HSPG2: variants seen among roughly 807,000 people sequenced by gnomAD.
The protein encoded by HSPG2 is basement membrane-specific heparan sulfate proteoglycan core protein.
In HSPG2, 278 loss-of-function variants were observed where a neutral mutation model predicts 526.6. The ratio of observed to expected loss-of-function variants is 0.53; its 90% CI spans 0.48 to 0.58. The LOEUF is 0.58. Among genes scored for constraint, HSPG2 ranks in the 20% least tolerant of loss-of-function variants. The pLI, the probability that HSPG2 is intolerant of heterozygous loss-of-function variation, is 0.00. For synonymous variants in HSPG2, 2,465 were observed against 2,555.4 expected, an observed-to-expected ratio of 0.96 and a Z score of 1.07; for missense variants, 5,354 against 6,099.5, an observed-to-expected ratio of 0.88 and a Z score of 4.07.
At position 21,823,658 on chromosome 1, in the gene HSPG2, C is replaced by T. The variant is rs760059362; in HGVS notation, c.12961G>A (p.Gly4321Ser). Residue 4321 changes from glycine to serine, a missense_variant, in exon 96 of 97, where the codon GGT becomes AGT. By Grantham distance (56) the Gly-to-Ser change is moderately conservative (BLOSUM62 0). Coordinates refer to ENST00000374695, the MANE Select transcript of HSPG2 (RefSeq NM_005529.7). ...GEELVSGRSP[G>S]PNVAVNAKGS... is the part of the protein sequence containing the mutation. ...TTGGCGTTGACTGCCACGTTGGGAC[C>T]TGGGGACCGGCCGCTGACCAGCTCC... 1.4e-5 allele frequency: 23 copies of T among 1,613,642 alleles called. No individual in the cohort carries two copies. The highest frequency in any genetic ancestry group is 1.9e-5 in the Non-Finnish European group (22 of 1,180,022).
chr1:21,894,403 G>A (rs910315025), intron 3 of HSPG2, among the ~76,000 whole-genome samples: 1 of 152,078 alleles, frequency 6.6e-6, no homozygotes, highest in Non-Finnish European at 1.5e-5. Flanking sequence ...CCAGGATCAG[G>A]GAGGCACACC....
Position 21,874,423 on chromosome 1 carries a change from T to C in HSPG2, c.3639A>G (p.Gly1213=). ...PQDCQLCPCY[G]DPAAGQAAHT... is the part of the protein sequence containing the mutation. ...GGACGCACTGGCCGGCAGCAGGGTC[T>C]CCGTAGCAGGGGCACAGCTGGCAGT... is the stretch of plus-strand genomic sequence containing the variant. Residue 1213 remains glycine, a synonymous_variant, in exon 28 of 97, where the codon GGA becomes GGG. Coordinates refer to ENST00000374695, the MANE Select transcript of HSPG2 (RefSeq NM_005529.7). 6.2e-7 allele frequency: 1 copy of C among 1,611,546 alleles called. No homozygotes were observed. Among genetic ancestry groups the C allele is most frequent in the Non-Finnish European group, 8.5e-7 (1 of 1,179,772 alleles).
intron 37 of HSPG2, among the ~76,000 whole-genome samples, chr1:21,863,062 A>AAAACAAAAAAAAAAAAAAAC (rs1243124723): frequency 4.6e-5 from 1 of 21,976 alleles, no homozygotes; most frequent in Non-Finnish European, 1.1e-4. Flanking sequence ...CTCCATCTCA[A>AAAACAAAAAAAAAAAAAAAC]AAAAAAAAAA....
chr1:21,852,038 C>T (rs1362659401), intron 53 of HSPG2, 50 bp downstream of exon 53: 4 of 1,612,060 alleles, frequency 2.5e-6, no homozygotes, highest in African/African-American at 1.3e-5. Flanking sequence ...GGGCCAGGAT[C>T]CTGCAACCCA....
rs1641066250 is a variant in HSPG2, at chr1:21,876,401, T to C, written c.2831A>G (p.His944Arg). ...GTGACCAGGCTCCTCAGAGGCCCCATGCAACTGGGAGGAGGAGAAAGGGCT... is the reference window on the plus strand; with the variant it reads ...GTGACCAGGCTCCTCAGAGGCCCCACGCAACTGGGAGGAGGAGAAAGGGCT... ...TSSSWSRAQL[H>R]GASEEPGHFS... The change falls in exon 23 of 97, where the codon CAT becomes CGT. Residue 944 changes from histidine (H) to arginine (R), a missense_variant. By Grantham distance (29) the His-to-Arg change is conservative. Coordinates refer to ENST00000374695, the MANE Select transcript of HSPG2 (RefSeq NM_005529.7). 1 of 1,610,498 alleles carries C rather than the reference T, an allele frequency of 6.2e-7. No homozygotes were observed. Among genetic ancestry groups the C allele is most frequent in the Non-Finnish European group, 8.5e-7 (1 of 1,178,398 alleles).
Position 21,846,238 on chromosome 1 carries a change from C to T in HSPG2, c.8334G>A (p.Leu2778=). The T allele has an allele frequency of 6.2e-7, 1 of 1,613,004 alleles. No homozygotes were observed. Among genetic ancestry groups the T allele is most frequent in the Non-Finnish European group, 8.5e-7 (1 of 1,179,980 alleles). ...PSHHQTRGSR[L]RLHHVSPADS... ...CGGCCGGGGACACATGGTGCAGCCG[C>T]AGCCGTGAGCCGCGGGTCTGAATAG... Residue 2778 remains leucine, a synonymous_variant, in exon 64 of 97, where the codon CTG becomes CTA. Coordinates refer to ENST00000374695, the MANE Select transcript of HSPG2 (RefSeq NM_005529.7).
chr1:21,933,320 G>T (rs1347162461), intron 1 of HSPG2, among the ~76,000 whole-genome samples: 1 of 152,140 alleles, frequency 6.6e-6, no homozygotes, highest in Non-Finnish European at 1.5e-5. Flanking sequence ...GGGCCTCGTA[G>T]GCTATATTAA....
rs976946506 is a variant in HSPG2, at chr1:21,864,023, C to A, written c.4740+77G>T. On this transcript the variant is annotated intron_variant, in intron 37 of 96. Coordinates refer to ENST00000374695, the MANE Select transcript of HSPG2 (RefSeq NM_005529.7). This position sits in a 1 kb window ranked among gnomAD's most constrained non-coding sequence, Gnocchi z 4.8. Reference sequence around the variant, plus strand: ...ATGATCCTGATCCCCTGGATTGATGCCTGCCTTGTCCAGCCCTGGTCCCCC... The same window carrying A: ...ATGATCCTGATCCCCTGGATTGATGACTGCCTTGTCCAGCCCTGGTCCCCC... 7 of 1,126,540 alleles carry A rather than the reference C, an allele frequency of 6.2e-6. No individual in the cohort carries two copies. The African/African-American group carries it at 9.3e-5, about 15-fold the overall frequency. The allele number at this position is 1,126,540 out of a possible 1,614,324, so 69.8% of individuals were successfully genotyped here.
rs140883944 is a variant in HSPG2, at chr1:21,870,168, G to C, written c.4221+2018C>G. Reference sequence around the variant, plus strand: ...CTGGACTCAGCTCTCTGGTCTCCTCGCTGTGGCCCTAGGTACAACCTGTCC... The same window carrying C: ...CTGGACTCAGCTCTCTGGTCTCCTCCCTGTGGCCCTAGGTACAACCTGTCC... On this transcript the variant is annotated intron_variant, in intron 33 of 96. Coordinates refer to ENST00000374695, the MANE Select transcript of HSPG2 (RefSeq NM_005529.7). 755 of 851,794 alleles carry C rather than the reference G, an allele frequency of 8.9e-4. 5 individuals are homozygous for C. In the African/African-American group the frequency reaches 0.013, roughly 14 times the overall value. The allele number at this position is 851,794 out of a possible 1,614,324, so 52.8% of individuals were successfully genotyped here. A position where few individuals can be genotyped will look rare whatever the true frequency, so the allele number is the denominator to read the frequency against.
At chr1:21,844,087 G>T in intron 65 of HSPG2, 61 bp downstream of exon 65, 1 of 1,595,504 alleles carries the variant, frequency 6.3e-7, no homozygotes, top group Non-Finnish European at 8.6e-7. Context: ...CTTCAACGCT[G>T]GATTCAGGCA....
intron 9 of HSPG2, among the ~76,000 whole-genome samples, chr1:21,885,791 C>T (rs1479954958): frequency 1.3e-5 from 2 of 152,196 alleles, no homozygotes; most frequent in African/African-American, 4.8e-5. Context: ...GTCAAAGGCA[C>T]CACCAGTGGG....
In HSPG2 at chr1:21,847,684, T is replaced by C. The variant is rs1638552142; in HGVS notation, c.8025+5A>G. On this transcript the variant is annotated splice_donor_5th_base_variant and intron_variant, in intron 61 of 96. Transcript: ENST00000374695. This position sits in a 1 kb window ranked among gnomAD's most constrained non-coding sequence, Gnocchi z 4.1. ...CACCCCCGCTGCTGTGGCTCCACTC[T>C]GTACCTGGTGTCGGGAGGGAAGGCT... The C allele has an allele frequency of 6.2e-7, 1 of 1,606,490 alleles. No individual in the cohort carries two copies. The highest frequency in any genetic ancestry group is 8.5e-7 in the Non-Finnish European group (1 of 1,176,680).
At chr1:21,825,772 A>G (rs1360653934) in intron 91 of HSPG2, among the ~76,000 whole-genome samples, 1 of 151,940 alleles carries the variant, frequency 6.6e-6, no homozygotes, top group Non-Finnish European at 1.5e-5. Flanking sequence ...AATATTATAT[A>G]TAGATAATTT....
chr1:21,895,831 C>T lies in HSPG2; in HGVS notation c.244+91G>A. 8.5e-7 allele frequency: 1 copy of T among 1,181,630 alleles called. No homozygotes were observed. The highest frequency in any genetic ancestry group is 1.3e-6 in the Non-Finnish European group (1 of 789,510). 73.2% of individuals were successfully genotyped at this position (1,181,630 alleles called of 1,614,324 possible). On this transcript the variant is annotated intron_variant, in intron 3 of 96. Coordinates refer to ENST00000374695, the MANE Select transcript of HSPG2 (RefSeq NM_005529.7). The surrounding 1 kb of genome is among the most constrained non-coding windows in gnomAD (Gnocchi z 4.1). Reference sequence around the variant, plus strand: ...CTTCTTCTTGCTTTGTACCCCAGGGCAGGCCCAAGGAGCCCTCAGCCCAGG... The same window carrying T: ...CTTCTTCTTGCTTTGTACCCCAGGGTAGGCCCAAGGAGCCCTCAGCCCAGG...
At chr1:21,928,842 C>T (rs750114993) in intron 1 of HSPG2, among the ~76,000 whole-genome samples, 9 of 152,082 alleles carry the variant, frequency 5.9e-5, no homozygotes, top group Admixed American at 1.3e-4. Context: ...CTCCGCCTCC[C>T]GGGTTCAAGT....
At position 21,854,692 on chromosome 1, in the gene HSPG2, G is replaced by T. The variant is rs1267307119; in HGVS notation, c.6207C>A (p.Asp2069Glu). ...CTGACCCTGCCACCACACAGTTGAG[G>T]TCGAGTGTTTGCCCTTCTGTCACAG... The part of the protein sequence containing the change: ...SPSVTEGQTL[D>E]LNCVVAGSAH... Residue 2069 changes from aspartate (D) to glutamate (E), a missense_variant, in exon 49 of 97, where the codon GAC becomes GAA. Transcript: ENST00000374695. 3 of 1,611,688 alleles carry T rather than the reference G, an allele frequency of 1.9e-6. No individual in the cohort carries two copies. The South Asian group carries it at 3.3e-5, about 18-fold the overall frequency.
Position 21,833,397 on chromosome 1 carries a change from A to C in HSPG2, c.10979-13T>G. 6.2e-7 allele frequency: 1 copy of C among 1,613,958 alleles called. No homozygotes were observed. Among genetic ancestry groups the C allele is most frequent in the Non-Finnish European group, 8.5e-7 (1 of 1,179,818 alleles). On this transcript the variant is annotated splice_polypyrimidine_tract_variant and intron_variant, in intron 79 of 96. Coordinates refer to ENST00000374695, the MANE Select transcript of HSPG2 (RefSeq NM_005529.7). ...GGCACCACCCGCTCTGCCAGCAGAG[A>C]GCACAGCTGAAGACCCTGCCAGTCA... is the stretch of plus-strand genomic sequence containing the variant.
At chr1:21,897,110 C>T (rs1359238409) in intron 1 of HSPG2, among the ~76,000 whole-genome samples, 3 of 152,156 alleles carry the variant, frequency 2.0e-5, no homozygotes, top group East Asian at 3.9e-4. Flanking sequence ...GGTGTGGGTC[C>T]GGGCAATGAG....
chr1:21,887,369 C>CGGGGGGG lies in HSPG2; in HGVS notation c.959-36_959-35insCCCCCCC, dbSNP rs745861767. 1.9e-6 allele frequency: 3 copies of CGGGGGGG among 1,613,858 alleles called. No homozygotes were observed. The highest frequency in any genetic ancestry group is 2.5e-6 in the Non-Finnish European group (3 of 1,179,924). On this transcript the variant is annotated intron_variant, in intron 8 of 96. Coordinates refer to ENST00000374695, the MANE Select transcript of HSPG2 (RefSeq NM_005529.7). This position sits in a 1 kb window ranked among gnomAD's most constrained non-coding sequence, Gnocchi z 5.0. Reference sequence around the variant, plus strand: ...CGGGCAGGGGTCAGCAGCATCCTCCCGGGCCAGCTTCCTGCTCCCCGCACC... The same window carrying CGGGGGGG: ...CGGGCAGGGGTCAGCAGCATCCTCCCGGGGGGGGGGCCAGCTTCCTGCTCCCCGCACC...
Sources: gnomAD v4.1 joint callset for allele counts (sites outside exome capture counted in the v4.1 genomes callset) on GRCh38, gnomAD v4.1.1 for gene constraint, Gnocchi (gnomAD v3.1) non-coding constraint, MANE v1.5 for transcripts, NCBI Gene and HGNC (gene_info 2026-07-23, HGNC 2026-07-21) for gene names.